The following CCDC191 variants were observed in gnomAD, a reference collection of about 807,000 sequenced individuals.
CCDC191 encodes the protein coiled-coil domain containing 191, also known as coiled-coil domain-containing protein 191.
In CCDC191, 99 loss-of-function variants were observed where a neutral mutation model predicts 114.0. That is an observed-to-expected ratio of 0.87 (90% CI 0.74 to 1.03). The LOEUF (loss-of-function observed/expected upper bound fraction) is 1.03, where lower values mean the gene tolerates loss of function less well. CCDC191 is among the 50% of genes least tolerant of loss of function. CCDC191 has a pLI of 0.00. For missense variants in CCDC191, 973 were observed against 1,087.0 expected, an observed-to-expected ratio of 0.90 and a Z score of 1.47; for synonymous variants, 351 against 376.0, an observed-to-expected ratio of 0.93 and a Z score of 0.77.
chr3:114,006,020 C>A (rs752179157), intron 9 of CCDC191, 58 bp from the exon 10 acceptor site: 2 of 1,437,348 alleles, frequency 1.4e-6, no homozygotes, highest in South Asian at 1.1e-5. Flanking sequence ...TGATGAAATC[C>A]AACATTTATG....
chr3:113,977,488 T>C (rs1222567489), intron 16 of CCDC191, among the ~76,000 whole-genome samples: 3 of 152,140 alleles, frequency 2.0e-5, no homozygotes, highest in Non-Finnish European at 4.4e-5. Context: ...TTATACAGAA[T>C]ACCTTATTTC....
intron 3 of CCDC191, among the ~76,000 whole-genome samples, chr3:114,044,489 G>A (rs2076603749): frequency 6.6e-6 from 1 of 152,128 alleles, no homozygotes; most frequent in South Asian, 2.1e-4. Flanking sequence ...GATCATTATT[G>A]CATAGTTAGT....
chr3:113,974,870 C>CTCTCTT (rs1216265853), intron 16 of CCDC191, among the ~76,000 whole-genome samples: 1 of 152,166 alleles, frequency 6.6e-6, no homozygotes, highest in African/African-American at 2.4e-5. Context: ...CTCTCAATCT[C>CTCTCTT]TCTCTTTCTC....
intron 8 of CCDC191, among the ~76,000 whole-genome samples, chr3:114,016,875 C>T (rs370509796): frequency 2.0e-5 from 3 of 152,144 alleles, no homozygotes; most frequent in African/African-American, 7.2e-5. Flanking sequence ...CACTTTACAA[C>T]CTGTTTCCCT....
At chr3:113,965,385 T>G (rs1940017365) in intron 16 of CCDC191, 26 bp from the exon 17 acceptor site, 5 of 1,466,120 alleles carry the variant, frequency 3.4e-6, no homozygotes, top group Non-Finnish European at 4.6e-6. Context: ...AGGAAAAAAG[T>G]GAAATGTTGA....
At chr3:114,034,136 ATTCTTT>A (rs971722924) in intron 6 of CCDC191, among the ~76,000 whole-genome samples, 4 of 152,206 alleles carry the variant, frequency 2.6e-5, no homozygotes, top group African/African-American at 9.6e-5. Context: ...TATGTCAGAT[ATTCTTT>A]TTCTTTATCA....
At position 114,013,379 on chromosome 3, in the gene CCDC191, T is replaced by C. The variant is rs541411551; in HGVS notation, c.1164-2358A>G. On this transcript the variant is annotated intron_variant, in intron 8 of 16. Transcript: ENST00000295878. The stretch of plus-strand genomic sequence containing the variant: ...CAAGGATAGTTCCACTACTGTTTTC[T>C]TGTAGCTCACTTCAGCAGAGTGACA... Among the ~76,000 whole-genome samples the C allele has an allele frequency of 2.8e-4, 42 of 152,352 alleles. 1 individual carries two copies. The South Asian group carries it at 8.7e-3, about 32-fold the overall frequency.
At chr3:113,998,371 T>TACC (rs1294520138) in intron 13 of CCDC191, among the ~76,000 whole-genome samples, 15 of 151,222 alleles carry the variant, frequency 9.9e-5, no homozygotes, top group Non-Finnish European at 1.6e-4. Flanking sequence ...TCAAGAGGTA[T>TACC]TCAAGAAGAA....
Position 114,046,629 on chromosome 3 carries a change from G to C in CCDC191, c.233C>G (p.Ser78Cys). The change falls in exon 3 of 17, where the codon TCT (serine) becomes TGT (cysteine). Residue 78 changes from serine (S) to cysteine (C), a missense_variant. Transcript: ENST00000295878. ...PWGQITDLKT[S>C]EQIEDHDEIY... ...TTCATCATGATCCTCTATTTGCTCA[G>C]ATGTTTTCAAATCTGTGATTTGGCC... 6.2e-7 allele frequency: 1 copy of C among 1,609,752 alleles called. No homozygotes were observed. Among genetic ancestry groups the C allele is most frequent in the South Asian group, 1.1e-5 (1 of 90,978 alleles).
chr3:114,024,963 A>G (rs76995496), intron 7 of CCDC191, among the ~76,000 whole-genome samples: 1,844 of 152,294 alleles, frequency 0.012, 40 homozygotes, highest in African/African-American at 0.038. Flanking sequence ...CCTGATTTTC[A>G]TAATTTTACC....
intron 6 of CCDC191, among the ~76,000 whole-genome samples, chr3:114,032,655 C>G (rs558076562): frequency 6.6e-6 from 1 of 152,208 alleles, no homozygotes; most frequent in Non-Finnish European, 1.5e-5. Context: ...GTACCCTACC[C>G]CTTCTCTCAC....
At chr3:114,021,339 A>G (rs1304828951) in intron 7 of CCDC191, among the ~76,000 whole-genome samples, 1 of 152,146 alleles carries the variant, frequency 6.6e-6, no homozygotes, top group Non-Finnish European at 1.5e-5. Flanking sequence ...CAGGTTCACC[A>G]CACAGAAGCT....
intron 13 of CCDC191, among the ~76,000 whole-genome samples, chr3:113,999,583 G>C (rs149078558): frequency 1.5e-3 from 234 of 152,288 alleles, no homozygotes; most frequent in Non-Finnish European, 1.2e-3. Context: ...TAGGAATGAA[G>C]GTTTGGGTCA....
intron 13 of CCDC191, among the ~76,000 whole-genome samples, chr3:113,985,928 C>A (rs2075339429): frequency 6.6e-6 from 1 of 152,130 alleles, no homozygotes; most frequent in Non-Finnish European, 1.5e-5. Flanking sequence ...CAAAAAAATA[C>A]AAGGCATACC....
At chr3:114,001,978 ATC>A (rs1406355304) in intron 12 of CCDC191, among the ~76,000 whole-genome samples, 1 of 152,202 alleles carries the variant, frequency 6.6e-6, no homozygotes, top group African/African-American at 2.4e-5. Context: ...TCTTACTGTC[ATC>A]TGTGAAAAAC....
chr3:113,979,402 A>T (rs57185319), intron 14 of CCDC191, among the ~76,000 whole-genome samples: 3,799 of 152,302 alleles, frequency 0.025, 141 homozygotes, highest in African/African-American at 0.087. Flanking sequence ...ACCACTGTCT[A>T]ATTGAGGAAA....
rs570402667 is a variant in CCDC191, at chr3:114,004,624, G to A, written c.1978+13C>T. ...GATAACAACCACCAAGGCCACCACC[G>A]AGACAGCCCTGCCTTTTAGTATGGG... On this transcript the variant is annotated intron_variant, in intron 11 of 16. Transcript: ENST00000295878. 1.5e-5 allele frequency: 24 copies of A among 1,610,124 alleles called. 2 individuals carry two copies. In the Middle Eastern group the frequency reaches 5.0e-4, roughly 33 times the overall value.
rs2076676615 is a variant in CCDC191, at chr3:114,049,719, G to A, written c.130-2987C>T. ...AAGTGTTTGGGATATCACTTAAAAT[G>A]AAGATTTGAGGAGAAAGAACTACTG... is the stretch of plus-strand genomic sequence containing the variant. On this transcript the variant is annotated intron_variant, in intron 2 of 16. Coordinates refer to ENST00000295878, the MANE Select transcript of CCDC191 (RefSeq NM_020817.2). Among the ~76,000 whole-genome samples, 5 of 152,180 alleles carry A rather than the reference G, an allele frequency of 3.3e-5. No homozygotes were observed. The South Asian group carries it at 8.3e-4, about 25-fold the overall frequency.
intron 7 of CCDC191, among the ~76,000 whole-genome samples, chr3:114,025,721 C>A (rs1051199576): frequency 6.6e-6 from 1 of 152,162 alleles, no homozygotes; most frequent in Non-Finnish European, 1.5e-5. Context: ...GGCAGACCTA[C>A]GGCTCCCTAT....
Sources: gnomAD v4.1 joint callset for allele counts (sites outside exome capture counted in the v4.1 genomes callset) on GRCh38, gnomAD v4.1.1 for gene constraint, MANE v1.5 for transcripts, NCBI Gene and HGNC (gene_info 2026-07-23, HGNC 2026-07-21) for gene names.